CHST6: variants seen among roughly 807,000 people sequenced by gnomAD.
The protein encoded by CHST6 is carbohydrate sulfotransferase 6.
For synonymous variants in CHST6, 309 were observed against 276.4 expected, an observed-to-expected ratio of 1.12 and a Z score of -1.17; for missense variants, 698 against 586.2, an observed-to-expected ratio of 1.19 and a Z score of -1.97.
chr16:75,478,532 C>A lies in CHST6; in HGVS notation c.*109G>T. On this transcript the variant is annotated 3_prime_UTR_variant, in exon 3 of 3. Transcript: ENST00000332272. ...TACTTGGGGAGGGGGAGGGGTCGTA[C>A]CACAAACTCCTTGGTCAATATAGGG... 8.8e-7 allele frequency: 1 copy of A among 1,135,176 alleles called. No individual in the cohort carries two copies. The highest frequency in any genetic ancestry group is 1.3e-6 in the Non-Finnish European group (1 of 753,028). The allele number at this position is 1,135,176 out of a possible 1,614,324, so 70.3% of individuals were successfully genotyped here.
chr16:75,486,377 G>A (rs1448672442), intron 1 of CHST6, among the ~76,000 whole-genome samples: 3 of 152,192 alleles, frequency 2.0e-5, no homozygotes, highest in Non-Finnish European at 4.4e-5. Context: ...TCTGATAACA[G>A]TCTCTAGGCT....
intron 1 of CHST6, among the ~76,000 whole-genome samples, chr16:75,487,475 A>G (rs1414319004): frequency 2.0e-5 from 3 of 151,918 alleles, no homozygotes; most frequent in East Asian, 1.9e-4. Flanking sequence ...GACAAGCCTG[A>G]CCAACACGGT....
chr16:75,474,768 C>A lies in CHST6; in HGVS notation c.*3873G>T, dbSNP rs2080049632. On this transcript the variant is annotated 3_prime_UTR_variant, in exon 3 of 3. Coordinates refer to ENST00000332272, the MANE Select transcript of CHST6 (RefSeq NM_021615.5). ...GAACTCCTTCATTTAAAAGGCACCA[C>A]TCTCAGGATAACCAACTCACTCCTG... 2.5e-6 allele frequency: 1 copy of A among 398,200 alleles called. No homozygotes were observed. Among genetic ancestry groups the A allele is most frequent in the Non-Finnish European group, 4.4e-6 (1 of 225,948 alleles). 24.7% of individuals were successfully genotyped at this position (398,200 alleles called of 1,614,324 possible). A position where few individuals can be genotyped will look rare whatever the true frequency, so the allele number is the denominator to read the frequency against.
rs532417282 is a variant in CHST6, at chr16:75,472,566, G to C, written c.*6075C>G. On this transcript the variant is annotated 3_prime_UTR_variant, in exon 3 of 3. Transcript: ENST00000332272. ...AGTAACATTTTTCACCCATCAGGTA[G>C]GCAAAAATTAAAACCATTGATTTAA... 6.6e-5 allele frequency: 10 copies of C among 152,294 alleles called. No individual in the cohort carries two copies. The East Asian group carries it at 1.9e-3, about 29-fold the overall frequency. The allele number at this position is 152,294 out of a possible 1,614,324, so 9.4% of individuals were successfully genotyped here.
intron 1 of CHST6, among the ~76,000 whole-genome samples, chr16:75,483,387 C>G (rs918064598): frequency 1.3e-5 from 2 of 152,178 alleles, no homozygotes; most frequent in African/African-American, 4.8e-5. Flanking sequence ...TCTTAAGTGA[C>G]TCACACACTA....
intron 2 of CHST6, among the ~76,000 whole-genome samples, 159 bp downstream of exon 2, chr16:75,481,658 G>A (rs2080143195): frequency 6.6e-6 from 1 of 152,188 alleles, no homozygotes; most frequent in Non-Finnish European, 1.5e-5. Flanking sequence ...GCCATCACCG[G>A]TAGGGGGTGA....
intron 1 of CHST6, among the ~76,000 whole-genome samples, chr16:75,487,555 C>G (rs1202002963): frequency 6.6e-6 from 1 of 151,948 alleles, no homozygotes; most frequent in Non-Finnish European, 1.5e-5. Flanking sequence ...AATCATAGCA[C>G]TTGGGAGGCT....
intron 1 of CHST6, among the ~76,000 whole-genome samples, chr16:75,492,464 T>G (rs1056322608): frequency 5.9e-5 from 9 of 152,230 alleles, no homozygotes; most frequent in African/African-American, 1.9e-4. Flanking sequence ...GTTCCCTGGT[T>G]TATTAACCAT....
chr16:75,481,263 G>A (rs767791330), intron 2 of CHST6, among the ~76,000 whole-genome samples: 2 of 151,996 alleles, frequency 1.3e-5, no homozygotes, highest in African/African-American at 2.4e-5. Flanking sequence ...GCGATAGAGT[G>A]AGACTCTGAC....
chr16:75,478,974 A>G lies in CHST6; in HGVS notation c.855T>C (p.Arg285=). The G allele has an allele frequency of 6.2e-7, 1 of 1,612,952 alleles. No homozygotes were observed. Among genetic ancestry groups the G allele is most frequent in the Non-Finnish European group, 8.5e-7 (1 of 1,179,954 alleles). Residue 285 remains arginine, a synonymous_variant, in exon 3 of 3, where the codon CGT becomes CGC. Coordinates refer to ENST00000332272, the MANE Select transcript of CHST6 (RefSeq NM_021615.5). ...TGAGCCCAGTGAAGGCGTAGAGCGCACGGATTTCTGCCAGCGGCTCCCGCG... is the reference window on the plus strand; with the variant it reads ...TGAGCCCAGTGAAGGCGTAGAGCGCGCGGATTTCTGCCAGCGGCTCCCGCG... ...DLAREPLAEI[R]ALYAFTGLSL...
rs552475714 is a variant in CHST6 at position 75,474,827 on chromosome 16, G to C, written c.*3814C>G. 1.3e-5 allele frequency: 5 copies of C among 393,738 alleles called. No homozygotes were observed. The highest frequency in any genetic ancestry group is 2.2e-5 in the Non-Finnish European group (5 of 223,660). The allele number at this position is 393,738 out of a possible 1,614,324, so 24.4% of individuals were successfully genotyped here. A position where few individuals can be genotyped will look rare whatever the true frequency, so the allele number is the denominator to read the frequency against. ...GTGGTTTTTTTTAAGACAGACTCTC[G>C]CTTTGTTGCCCAGGCTGGAGTACAG... On this transcript the variant is annotated 3_prime_UTR_variant, in exon 3 of 3. Coordinates refer to ENST00000332272, the MANE Select transcript of CHST6 (RefSeq NM_021615.5).
chr16:75,480,195 C>A (rs188252357), intron 2 of CHST6, among the ~76,000 whole-genome samples: 1 of 152,180 alleles, frequency 6.6e-6, no homozygotes, highest in East Asian at 1.9e-4. Flanking sequence ...AAACGGAATT[C>A]CTGTCTTTTG....
rs370268663 is a variant in CHST6 at position 75,478,850 on chromosome 16, G to C, written c.979C>G (p.Leu327Val). The stretch of plus-strand genomic sequence containing the variant: ...TGGCGCCAGGCCTGGGAGACGTTGA[G>C]CGCATTCCTGGACGAAGTCTTGAAG... ...EAFKTSSRNA[L>V]NVSQAWRHAL... The change falls in exon 3 of 3, where the codon CTC becomes GTC. Residue 327 changes from leucine to valine, a missense_variant. Leu to Val is a conservative substitution (Grantham distance 32, BLOSUM62 1). Transcript: ENST00000332272. The C allele has an allele frequency of 5.6e-6, 9 of 1,613,362 alleles. No individual in the cohort carries two copies. In the African/African-American group the frequency reaches 1.2e-4, roughly 22 times the overall value.
In CHST6 at chr16:75,479,137, G is replaced by A. The variant is rs369400025; in HGVS notation, c.692C>T (p.Thr231Met). The A allele has an allele frequency of 6.2e-7, 1 of 1,606,424 alleles. No individual in the cohort carries two copies. The highest frequency in any genetic ancestry group is 8.5e-7 in the Non-Finnish European group (1 of 1,178,812). Reference protein sequence around the residue: ...DNGIVLGTNGTWVEADPGLRV... With the variant: ...DNGIVLGTNGMWVEADPGLRV... ...CAGGCCGGGGTCGGCCTCCACCCAC[G>A]TGCCGTTGGTGCCCAGCACGATGCC... The change falls in exon 3 of 3, where the codon ACG (threonine) becomes ATG (methionine). Residue 231 changes from threonine (T) to methionine (M), a missense_variant. Thr to Met is a moderately conservative substitution (Grantham distance 81). Coordinates refer to ENST00000332272, the MANE Select transcript of CHST6 (RefSeq NM_021615.5).
At position 75,493,367 on chromosome 16, in the gene CHST6, G is replaced by T. The variant is rs998868552; in HGVS notation, c.-92+1573C>A. Among the ~76,000 whole-genome samples, 7 of 151,956 alleles carry T rather than the reference G, an allele frequency of 4.6e-5. No homozygotes were observed. In the South Asian group the frequency reaches 1.0e-3, roughly 23 times the overall value. On this transcript the variant is annotated intron_variant, in intron 1 of 2. Transcript: ENST00000332272. ...TTACTAAAAATACAAAAATTAGCCGGGCGTGGTGGCGGGTGCCTGTAATCC... is the reference window on the plus strand; with the variant it reads ...TTACTAAAAATACAAAAATTAGCCGTGCGTGGTGGCGGGTGCCTGTAATCC...
rs1567408298 is a variant in CHST6, at chr16:75,478,752, C to CTA, written c.1076_1077insTA (p.Pro360SerfsTer22). ...GCTGCTCGTCCTCAGAGTACACAGG[C>CTA]CGGTAGCCCAGCAGCTGCAGCGCAC... On this transcript the variant is annotated frameshift_variant, in exon 3 of 3. Coordinates refer to ENST00000332272, the MANE Select transcript of CHST6 (RefSeq NM_021615.5). LOFTEE classifies it low-confidence loss of function (END_TRUNC). 1 of 1,613,554 alleles carries CTA rather than the reference C, an allele frequency of 6.2e-7. No individual in the cohort carries two copies. Among genetic ancestry groups the CTA allele is most frequent in the Admixed American group, 1.7e-5 (1 of 60,034 alleles).
intron 1 of CHST6, among the ~76,000 whole-genome samples, chr16:75,488,771 G>T (rs1174412589): frequency 6.6e-6 from 1 of 151,476 alleles, no homozygotes; most frequent in African/African-American, 2.4e-5. Flanking sequence ...ATCACATGAG[G>T]TCTGTAATGG....
chr16:75,482,691 G>A (rs1205539150), intron 1 of CHST6, among the ~76,000 whole-genome samples: 2 of 152,280 alleles, frequency 1.3e-5, no homozygotes, highest in East Asian at 1.9e-4. Flanking sequence ...TGGAAGGGAG[G>A]AGCCTGGAAG....
intron 2 of CHST6, among the ~76,000 whole-genome samples, chr16:75,480,695 G>A (rs1298456501): frequency 2.0e-5 from 3 of 151,982 alleles, no homozygotes; most frequent in Non-Finnish European, 2.9e-5. Flanking sequence ...TTGGGAGGCC[G>A]AGGTGGGTGG....
Sources: gnomAD v4.1 joint callset for allele counts (sites outside exome capture counted in the v4.1 genomes callset) on GRCh38, gnomAD v4.1.1 for gene constraint, MANE v1.5 for transcripts, NCBI Gene and HGNC (gene_info 2026-07-23, HGNC 2026-07-21) for gene names.